Variants in DIS3L2 observed in about 807,000 individuals in gnomAD.
DIS3L2 encodes DIS3 like 3'-5' exoribonuclease 2.
DIS3L2 carries 34 observed loss-of-function variants against 97.5 expected under a neutral mutation model. That is an observed-to-expected ratio of 0.35 (90% CI 0.27 to 0.46). DIS3L2 has a LOEUF of 0.46. Ranked by LOEUF, DIS3L2 falls within the 20% of genes least tolerant of loss-of-function variation. The pLI is 1.00. For missense variants in DIS3L2, 1,038 were observed against 1,146.0 expected (o/e 0.91, Z 1.36); for synonymous variants, 435 against 445.2 (o/e 0.98, Z 0.29).
chr2:231,967,420 T>C lies in DIS3L2; in HGVS notation c.-94+5655T>C, dbSNP rs150396297. ...GAGAGAAGCCCCAAACATTTCTGTTTAACTTCATTTTTTTAGGGACCAGCT... is the reference window on the plus strand; with the variant it reads ...GAGAGAAGCCCCAAACATTTCTGTTCAACTTCATTTTTTTAGGGACCAGCT... On this transcript the variant is annotated intron_variant, in intron 1 of 20. Transcript: ENST00000325385. Among the ~76,000 whole-genome samples the C allele has an allele frequency of 3.9e-4, 60 of 152,346 alleles. 1 individual carries two copies. The highest frequency in any genetic ancestry group is 1.4e-3 in the African/African-American group (58 of 41,576).
intron 11 of DIS3L2, among the ~76,000 whole-genome samples, chr2:232,247,795 A>G (rs922128131): frequency 1.3e-5 from 2 of 152,198 alleles, no homozygotes; most frequent in African/African-American, 2.4e-5. Flanking sequence ...AACACTTGAC[A>G]TATACAAGAA....
At chr2:232,159,235 C>A (rs1690582369) in intron 8 of DIS3L2, among the ~76,000 whole-genome samples, 1 of 152,174 alleles carries the variant, frequency 6.6e-6, no homozygotes, top group African/African-American at 2.4e-5. Flanking sequence ...ACAAGAAGCC[C>A]AACCATCATC....
chr2:232,073,705 T>A, intron 5 of DIS3L2, among the ~76,000 whole-genome samples: 1 of 152,226 alleles, frequency 6.6e-6, no homozygotes, highest in East Asian at 1.9e-4. Context: ...TATTTAGGAT[T>A]CCATTAGAAT....
intron 9 of DIS3L2, among the ~76,000 whole-genome samples, chr2:232,205,353 T>C (rs1240847669): frequency 6.6e-6 from 1 of 151,808 alleles, no homozygotes; most frequent in Non-Finnish European, 1.5e-5. Flanking sequence ...CCTCCCAGAC[T>C]CAAGCGATTC....
chr2:231,982,869 G>A (rs1335487368), intron 1 of DIS3L2, among the ~76,000 whole-genome samples: 1 of 151,914 alleles, frequency 6.6e-6, no homozygotes, highest in Non-Finnish European at 1.5e-5. Context: ...TAGTAGAGAC[G>A]AGGTTTCTCC....
chr2:232,220,136 TA>T, intron 10 of DIS3L2, among the ~76,000 whole-genome samples: 1 of 145,434 alleles, frequency 6.9e-6, no homozygotes, highest in East Asian at 2.0e-4. Flanking sequence ...AATAAATAAA[TA>T]AATAAATAAA....
chr2:232,295,437 G>A (rs949335758), intron 13 of DIS3L2, among the ~76,000 whole-genome samples: 1 of 152,198 alleles, frequency 6.6e-6, no homozygotes, highest in Non-Finnish European at 1.5e-5. Flanking sequence ...AGCCAAGAAA[G>A]GGGTTCCACT....
rs1214469039 is a variant in DIS3L2, at chr2:232,293,528, AAG to A, written c.1660-6507_1660-6506del. ...AGCATGAGGAAGGGCACAGAGGCCTAAGAGAGCCTGGTCTGCTCTGAACCCCT... is the reference window on the plus strand; with the variant it reads ...AGCATGAGGAAGGGCACAGAGGCCTAAGAGCCTGGTCTGCTCTGAACCCCT... On this transcript the variant is annotated intron_variant, in intron 13 of 20. Coordinates refer to ENST00000325385, the MANE Select transcript of DIS3L2 (RefSeq NM_152383.5). This position sits in a 1 kb window ranked among gnomAD's most constrained non-coding sequence, Gnocchi z 4.6. Among the ~76,000 whole-genome samples, 1 of 152,166 alleles carries A rather than the reference AAG, an allele frequency of 6.6e-6. No homozygotes were observed. Among genetic ancestry groups the A allele is most frequent in the African/African-American group, 2.4e-5 (1 of 41,446 alleles).
intron 9 of DIS3L2, among the ~76,000 whole-genome samples, chr2:232,164,527 A>C (rs776169813): frequency 1.3e-5 from 2 of 152,200 alleles, no homozygotes; most frequent in Non-Finnish European, 1.5e-5. Context: ...TGCTCGCTTC[A>C]TGCAGCTGAA....
intron 3 of DIS3L2, 99 bp downstream of exon 3, chr2:232,015,770 C>T (rs1574812998): frequency 1.3e-5 from 18 of 1,401,388 alleles, no homozygotes; most frequent in East Asian, 7.0e-5. Flanking sequence ...TTCAGAGAGA[C>T]GATGATGTAA....
At chr2:232,323,258 G>A (rs1403538605) in intron 14 of DIS3L2, among the ~76,000 whole-genome samples, 2 of 152,240 alleles carry the variant, frequency 1.3e-5, no homozygotes, top group Admixed American at 6.5e-5. Flanking sequence ...CTACCTCTGG[G>A]AGCAGAGCCC....
intron 1 of DIS3L2, among the ~76,000 whole-genome samples, chr2:231,985,510 C>T (rs1693385154): frequency 6.6e-6 from 1 of 152,156 alleles, no homozygotes; most frequent in South Asian, 2.1e-4. Context: ...CAGGATTTGG[C>T]TATTATGAAT....
chr2:232,119,751 A>G (rs1333295937), intron 6 of DIS3L2, among the ~76,000 whole-genome samples: 1 of 152,224 alleles, frequency 6.6e-6, no homozygotes, highest in Non-Finnish European at 1.5e-5. Context: ...GAGGGACTCC[A>G]GTTTGGGCCT....
rs6725748 is a variant in DIS3L2 at position 232,125,740 on chromosome 2, C to T, written c.602-4879C>T. Among the ~76,000 whole-genome samples the T allele has an allele frequency of 5.8e-3, 889 of 152,260 alleles. 5 individuals are homozygous for T. Among genetic ancestry groups the T allele is most frequent in the African/African-American group, 0.02 (820 of 41,546 alleles). On this transcript the variant is annotated intron_variant, in intron 6 of 20. Coordinates refer to ENST00000325385, the MANE Select transcript of DIS3L2 (RefSeq NM_152383.5). The stretch of plus-strand genomic sequence containing the variant: ...CTGTCCCTCCCAAGTCTTGCCTTGA[C>T]AGGAGCTAGATGTGGGGTCCTAGAA...
At chr2:232,159,774 C>G (rs1217453005) in intron 8 of DIS3L2, among the ~76,000 whole-genome samples, 1 of 152,178 alleles carries the variant, frequency 6.6e-6, no homozygotes, top group Admixed American at 6.5e-5. Flanking sequence ...AGGCCTTTAA[C>G]CAAGTTGAAG....
chr2:232,064,162 A>G (rs1695789164), intron 5 of DIS3L2, among the ~76,000 whole-genome samples: 1 of 152,164 alleles, frequency 6.6e-6, no homozygotes, highest in South Asian at 2.1e-4. Context: ...TGTAACCATC[A>G]CCATAATGAA....
At chr2:232,155,891 G>A (rs981694847) in intron 8 of DIS3L2, among the ~76,000 whole-genome samples, 3 of 151,922 alleles carry the variant, frequency 2.0e-5, no homozygotes, top group Admixed American at 1.3e-4. Flanking sequence ...TCGGGAGGCC[G>A]AGGCAGGAGA....
chr2:232,154,715 C>T (rs1391582367), intron 8 of DIS3L2, among the ~76,000 whole-genome samples: 1 of 149,004 alleles, frequency 6.7e-6, no homozygotes, highest in Non-Finnish European at 1.5e-5. Context: ...CCTCCTTGAG[C>T]TGTGGTGGGC....
At chr2:232,311,633 C>T (rs1695137967) in intron 14 of DIS3L2, among the ~76,000 whole-genome samples, 1 of 152,180 alleles carries the variant, frequency 6.6e-6, no homozygotes, top group Non-Finnish European at 1.5e-5. Context: ...CTCACTCCTC[C>T]CAAAAGGATA....
Sources: allele counts gnomAD v4.1 joint callset (sites outside exome capture counted in the v4.1 genomes callset), GRCh38; gene constraint gnomAD v4.1.1; non-coding constraint Gnocchi (gnomAD v3.1); transcripts MANE v1.5; gene names NCBI Gene and HGNC (gene_info 2026-07-23, HGNC 2026-07-21).